Variants in OGDH observed in about 807,000 individuals in gnomAD.
OGDH encodes the protein oxoglutarate dehydrogenase.
OGDH carries 38 observed loss-of-function variants against 116.6 expected under a neutral mutation model. The observed-to-expected ratio is 0.33, with a 90% CI of 0.25 to 0.43. The LOEUF is 0.43. Among genes scored for constraint, OGDH ranks in the 20% least tolerant of loss-of-function variants. The probability of loss-of-function intolerance (pLI) is 1.00; values close to 1 mark genes in which losing one functional copy is unlikely to be tolerated. For missense variants in OGDH, 825 were observed against 1,357.2 expected (o/e 0.61, Z 6.16); for synonymous variants, 488 against 533.3 (o/e 0.92, Z 1.17).
rs147925253 is a variant in OGDH at position 44,679,574 on chromosome 7, G to A, written c.1207-2146G>A. On this transcript the variant is annotated intron_variant, in intron 9 of 22. Coordinates refer to ENST00000222673, the MANE Select transcript of OGDH (RefSeq NM_002541.4). Reference sequence around the variant, plus strand: ...CAGGGAGGTGCAGGTCAGTAGGCCCGTAGGCTGAGGACACAGCAGGAGAGG... The same window carrying A: ...CAGGGAGGTGCAGGTCAGTAGGCCCATAGGCTGAGGACACAGCAGGAGAGG... Among the ~76,000 whole-genome samples the A allele has an allele frequency of 9.8e-4, 149 of 152,314 alleles. 1 individual carries two copies. Among genetic ancestry groups the A allele is most frequent in the Middle Eastern group, 6.8e-3 (2 of 294 alleles).
chr7:44,677,017 G>T (rs554007079), intron 9 of OGDH, among the ~76,000 whole-genome samples: 2 of 152,178 alleles, frequency 1.3e-5, no homozygotes, highest in African/African-American at 4.8e-5. Flanking sequence ...TGAGTGTTGG[G>T]GGTTGACTCG....
chr7:44,636,804 G>A (rs182912318), intron 2 of OGDH, among the ~76,000 whole-genome samples: 2 of 152,318 alleles, frequency 1.3e-5, no homozygotes, highest in East Asian at 3.9e-4. Flanking sequence ...AAATTAAATA[G>A]GAGGTCTGGT....
At chr7:44,665,945 A>C (rs1041443687) in intron 4 of OGDH, among the ~76,000 whole-genome samples, 1 of 152,206 alleles carries the variant, frequency 6.6e-6, no homozygotes, top group East Asian at 1.9e-4. Context: ...ACTGAGATGC[A>C]CTTTCAGGTG....
intron 2 of OGDH, among the ~76,000 whole-genome samples, chr7:44,627,649 A>G (rs898950662): frequency 1.3e-5 from 2 of 152,060 alleles, no homozygotes; most frequent in African/African-American, 4.8e-5. Flanking sequence ...CTTTGGCACT[A>G]CTTTCCCATT....
Position 44,696,930 on chromosome 7 carries a change from G to A in OGDH, c.1917G>A (p.Leu639=). Residue 639 remains leucine, a synonymous_variant, in exon 15 of 23, where the codon TTG becomes TTA. Transcript: ENST00000222673. The part of the protein sequence containing the change: ...FTIHGGLSRI[L]KTRGEMVKNR... ...TCTCTGCAGGGCTGAGCCGGATCTT[G>A]AAGACTCGTGGGGAAATGGTGAAGA... is the stretch of plus-strand genomic sequence containing the variant. The A allele has an allele frequency of 6.2e-7, 1 of 1,612,574 alleles. No homozygotes were observed. Among genetic ancestry groups the A allele is most frequent in the Non-Finnish European group, 8.5e-7 (1 of 1,179,072 alleles).
intron 20 of OGDH, among the ~76,000 whole-genome samples, chr7:44,703,271 C>T (rs527354638): frequency 2.0e-5 from 3 of 152,116 alleles, no homozygotes; most frequent in African/African-American, 4.8e-5. Context: ...CAAAAATTAG[C>T]AGGGTGTGGT....
At chr7:44,648,027 C>A (rs562104216) in intron 4 of OGDH, among the ~76,000 whole-genome samples, 2 of 152,266 alleles carry the variant, frequency 1.3e-5, no homozygotes, top group South Asian at 4.1e-4. Flanking sequence ...GCTTGTCCAC[C>A]TGGGGCAGGT....
In OGDH at chr7:44,707,458, G is replaced by A. The variant is rs191606536; in HGVS notation, c.2796+70G>A. ...AGGGCTCTGGTGCCTTCACAGAACA[G>A]CCTTGCTTGGGGTGTGGCCCTCAGG... On this transcript the variant is annotated intron_variant, in intron 21 of 22. Coordinates refer to ENST00000222673, the MANE Select transcript of OGDH (RefSeq NM_002541.4). This position sits in a 1 kb window ranked among gnomAD's most constrained non-coding sequence, Gnocchi z 5.2. 68 of 1,599,816 alleles carry A rather than the reference G, an allele frequency of 4.3e-5. 1 individual carries two copies. In the African/African-American group the frequency reaches 8.7e-4, roughly 20 times the overall value.
intron 12 of OGDH, among the ~76,000 whole-genome samples, chr7:44,695,393 G>A (rs1585384911): frequency 6.6e-6 from 1 of 152,266 alleles, no homozygotes; most frequent in East Asian, 1.9e-4. Flanking sequence ...ACTGCGCCTG[G>A]CCTGGACCAG....
chr7:44,642,709 G>A (rs1562633799), intron 2 of OGDH, among the ~76,000 whole-genome samples: 1 of 152,060 alleles, frequency 6.6e-6, no homozygotes, highest in Non-Finnish European at 1.5e-5. Flanking sequence ...GGATCACAAG[G>A]TCAGGAGTTC....
rs149011147 is a variant in OGDH at position 44,644,939 on chromosome 7, C to T, written c.223-388C>T. On this transcript the variant is annotated intron_variant, in intron 2 of 22. Coordinates refer to ENST00000222673, the MANE Select transcript of OGDH (RefSeq NM_002541.4). ...GAGATCACCTCCCAGGTGCTGGGGC[C>T]GGGGGGAAGGCTGAGACAGTAAGTG... 1.1e-4 allele frequency among the ~76,000 whole-genome samples: 16 copies of T among 152,192 alleles called. 1 individual carries two copies. The highest frequency in any genetic ancestry group is 9.2e-4 in the Admixed American group (14 of 15,294).
In OGDH at chr7:44,696,461, A is replaced by G. The variant is rs2116357822; in HGVS notation, c.1804A>G (p.Met602Val). 3.1e-6 allele frequency: 5 copies of G among 1,614,190 alleles called. No homozygotes were observed. The highest frequency in any genetic ancestry group is 1.1e-5 in the South Asian group (1 of 91,074). ...CACCCTGGACGGGCAGCCCAGGAGCATGTCCTGCCCCTCCACGGGTCTGAC... is the reference window on the plus strand; with the variant it reads ...CACCCTGGACGGGCAGCCCAGGAGCGTGTCCTGCCCCTCCACGGGTCTGAC... Reference protein sequence around the residue: ...FFTLDGQPRSMSCPSTGLTED... With the variant: ...FFTLDGQPRSVSCPSTGLTED... The change falls in exon 14 of 23, where the codon ATG becomes GTG. Residue 602 changes from methionine to valine, a missense_variant. By Grantham distance (21) the Met-to-Val change is conservative. Coordinates refer to ENST00000222673, the MANE Select transcript of OGDH (RefSeq NM_002541.4).
At chr7:44,646,862 C>G (rs1036140715) in intron 3 of OGDH, among the ~76,000 whole-genome samples, 1 of 152,206 alleles carries the variant, frequency 6.6e-6, no homozygotes, top group Non-Finnish European at 1.5e-5. Flanking sequence ...CAAACCTTCT[C>G]TTAGTGAGAT....
intron 2 of OGDH, among the ~76,000 whole-genome samples, chr7:44,637,666 C>T (rs993036379): frequency 3.3e-5 from 5 of 152,116 alleles, no homozygotes; most frequent in Non-Finnish European, 5.9e-5. Context: ...CAAAAATTAA[C>T]CAGACACGAT....
chr7:44,688,651 C>T (rs888681077), intron 10 of OGDH, among the ~76,000 whole-genome samples: 2 of 151,634 alleles, frequency 1.3e-5, no homozygotes, highest in African/African-American at 2.4e-5. Context: ...AGGATGGTCT[C>T]GATCTCCTGA....
At chr7:44,687,410 A>ATTTC (rs1788180593) in intron 10 of OGDH, among the ~76,000 whole-genome samples, 1 of 149,722 alleles carries the variant, frequency 6.7e-6, no homozygotes, top group Non-Finnish European at 1.5e-5. Flanking sequence ...AAAAAAAGAA[A>ATTTC]TTTTTTTTGT....
intron 10 of OGDH, among the ~76,000 whole-genome samples, chr7:44,683,589 T>G (rs1788017917): frequency 6.6e-6 from 1 of 152,210 alleles, no homozygotes; most frequent in African/African-American, 2.4e-5. Flanking sequence ...GGACGTTCTC[T>G]TTCTTTAAGA....
At chr7:44,693,481 T>C (rs1345734640) in intron 10 of OGDH, among the ~76,000 whole-genome samples, 5 of 151,820 alleles carry the variant, frequency 3.3e-5, no homozygotes, top group Admixed American at 3.3e-4. Flanking sequence ...ATAGAAATAA[T>C]AAGATCCCAA....
intron 10 of OGDH, among the ~76,000 whole-genome samples, chr7:44,693,510 A>G (rs779719962): frequency 5.3e-5 from 8 of 152,212 alleles, no homozygotes; most frequent in Non-Finnish European, 7.3e-5. Context: ...ATTTATTTAC[A>G]TATATATGCA....
Sources: gnomAD v4.1 joint callset for allele counts (sites outside exome capture counted in the v4.1 genomes callset) on GRCh38, gnomAD v4.1.1 for gene constraint, Gnocchi (gnomAD v3.1) non-coding constraint, MANE v1.5 for transcripts, NCBI Gene and HGNC (gene_info 2026-07-23, HGNC 2026-07-21) for gene names.